The following BPTF variants were observed in gnomAD, a reference collection of about 807,000 sequenced individuals.
The protein encoded by BPTF is bromodomain PHD finger transcription factor, also known as nucleosome-remodeling factor subunit BPTF.
Under a neutral mutation model 292.5 loss-of-function variants are expected in BPTF, and 18 were observed. The ratio of observed to expected loss-of-function variants is 0.06; its 90% CI spans 0.04 to 0.09. The LOEUF is 0.09. BPTF is among the 10% of genes least tolerant of loss of function. The pLI, the probability that BPTF is intolerant of heterozygous loss-of-function variation, is 1.00. For missense variants in BPTF, 2,726 were observed against 3,498.7 expected (o/e 0.78, Z 5.57); for synonymous variants, 1,225 against 1,251.9 (o/e 0.98, Z 0.45).
At chr17:67,923,946 A>C (rs925575117) in intron 14 of BPTF, among the ~76,000 whole-genome samples, 2 of 150,478 alleles carry the variant, frequency 1.3e-5, no homozygotes, top group South Asian at 4.2e-4. Flanking sequence ...GATTCAAGCA[A>C]TTCTCCTGCC....
chr17:67,966,269 A>G (rs2068088036), intron 25 of BPTF: 1 of 269,986 alleles, frequency 3.7e-6, no homozygotes, highest in Non-Finnish European at 7.2e-6. Flanking sequence ...GACAGAAGCG[A>G]TTGCAATGCC....
intron 7 of BPTF, among the ~76,000 whole-genome samples, chr17:67,899,455 A>G (rs999401458): frequency 4.0e-5 from 6 of 151,370 alleles, no homozygotes; most frequent in Admixed American, 2.6e-4. Context: ...ACAAGTTTAT[A>G]TTTTCCTGGG....
At chr17:67,895,332 CAAAAAAA>C (rs35234780) in intron 7 of BPTF, among the ~76,000 whole-genome samples, 10 of 56,654 alleles carry the variant, frequency 1.8e-4, no homozygotes, top group Non-Finnish European at 2.5e-4. Context: ...GACTTCATCT[CAAAAAAA>C]AAAAAAAAAA....
At chr17:67,925,968 T>C (rs1402068135) in intron 15 of BPTF, among the ~76,000 whole-genome samples, 1 of 149,750 alleles carries the variant, frequency 6.7e-6, no homozygotes, top group African/African-American at 2.4e-5. Flanking sequence ...TTTTCTCATC[T>C]CTGCAATGTA....
rs1258462993 is a variant in BPTF, at chr17:67,854,812, T to G, written c.1436+50T>G. On this transcript the variant is annotated intron_variant, in intron 2 of 27. Transcript: ENST00000306378. The surrounding 1 kb of genome is among the most constrained non-coding windows in gnomAD (Gnocchi z 5.6). ...TTGTATGCATTTAAAATTAGACTAGTTTCCTTCGTGATTGATGTAGCAGAG... is the reference window on the plus strand; with the variant it reads ...TTGTATGCATTTAAAATTAGACTAGGTTCCTTCGTGATTGATGTAGCAGAG... 2 of 1,361,754 alleles carry G rather than the reference T, an allele frequency of 1.5e-6. No individual in the cohort carries two copies. Among genetic ancestry groups the G allele is most frequent in the African/African-American group, 2.9e-5 (2 of 69,260 alleles). The allele number at this position is 1,361,754 out of a possible 1,614,324, so 84.4% of individuals were successfully genotyped here.
At position 67,983,950 on chromosome 17, in the gene BPTF, T is replaced by C. The variant is rs2070658907; in HGVS notation, c.*1662T>C. The C allele has an allele frequency of 6.6e-6, 1 of 152,594 alleles. No homozygotes were observed. The highest frequency in any genetic ancestry group is 2.4e-5 in the African/African-American group (1 of 41,460). 9.5% of individuals were successfully genotyped at this position (152,594 alleles called of 1,614,324 possible). Reference sequence around the variant, plus strand: ...TTATCTAATGAAGCCCATTCCTTTTTGTACATAAAGATGTCACTTAAACTT... The same window carrying C: ...TTATCTAATGAAGCCCATTCCTTTTCGTACATAAAGATGTCACTTAAACTT... On this transcript the variant is annotated 3_prime_UTR_variant, in exon 28 of 28. Transcript: ENST00000306378.
chr17:67,963,951 A>G (rs1402336177), intron 24 of BPTF, among the ~76,000 whole-genome samples: 2 of 152,228 alleles, frequency 1.3e-5, no homozygotes, highest in African/African-American at 4.8e-5. Flanking sequence ...TTTCAGCTTT[A>G]AAATCAATTG....
chr17:67,892,330 A>T (rs1567993138), intron 5 of BPTF, among the ~76,000 whole-genome samples: 1 of 152,254 alleles, frequency 6.6e-6, no homozygotes, highest in Non-Finnish European at 1.5e-5. Flanking sequence ...AGCCTTCTTT[A>T]CACATATGAG....
At chr17:67,978,769 C>T (rs77217980) in intron 27 of BPTF, among the ~76,000 whole-genome samples, 2,715 of 152,144 alleles carry the variant, frequency 0.018, 75 homozygotes, top group African/African-American at 0.057. Flanking sequence ...ATGACTCATA[C>T]ATTAGATAAT....
Position 67,945,596 on chromosome 17 carries a change from GCCTGAAGTTCAGACCCAA to G in BPTF, c.6889_6906del (p.Pro2297_Gln2302del). ...CAGCTCAGCCTGAAGTTCAGACTCA[GCCTGAAGTTCAGACCCAA>G]ACAACTGTTTCATCCCATGTCCCTT... On this transcript the variant is annotated inframe_deletion, in exon 21 of 28. Transcript: ENST00000306378. 6.2e-7 allele frequency: 1 copy of G among 1,612,212 alleles called. No homozygotes were observed. Among genetic ancestry groups the G allele is most frequent in the Non-Finnish European group, 8.5e-7 (1 of 1,179,170 alleles).
At chr17:67,972,840 C>T (rs149472838) in intron 26 of BPTF, among the ~76,000 whole-genome samples, 1 of 151,608 alleles carries the variant, frequency 6.6e-6, no homozygotes, top group South Asian at 2.1e-4. Context: ...TAAGTATGAA[C>T]CAAGAATGTC....
chr17:67,913,207 T>G lies in BPTF; in HGVS notation c.5303+20T>G, dbSNP rs772273169. Reference sequence around the variant, plus strand: ...TTGGAGGTATGTACTTTAAAATGTATTTGGGGGAGGGAGAAAATTTTAAAA... The same window carrying G: ...TTGGAGGTATGTACTTTAAAATGTAGTTGGGGGAGGGAGAAAATTTTAAAA... On this transcript the variant is annotated intron_variant, in intron 11 of 27. Transcript: ENST00000306378. 9 of 1,543,486 alleles carry G rather than the reference T, an allele frequency of 5.8e-6. No homozygotes were observed. The South Asian group carries it at 6.3e-5, about 11-fold the overall frequency.
intron 4 of BPTF, among the ~76,000 whole-genome samples, chr17:67,881,933 C>T (rs1330655966): frequency 7.8e-6 from 1 of 128,914 alleles, no homozygotes; most frequent in East Asian, 2.7e-4. Context: ...GTGGCACAAT[C>T]TCAGCTCACT....
At chr17:67,867,406 T>G (rs1380166308) in intron 3 of BPTF, among the ~76,000 whole-genome samples, 1 of 152,216 alleles carries the variant, frequency 6.6e-6, no homozygotes, top group Admixed American at 6.5e-5. Flanking sequence ...AGTAGAGGGT[T>G]TCCATATATC....
intron 4 of BPTF, among the ~76,000 whole-genome samples, chr17:67,882,748 T>C (rs1305626008): frequency 1.3e-5 from 2 of 152,190 alleles, no homozygotes; most frequent in African/African-American, 2.4e-5. Flanking sequence ...GGCTGACGCC[T>C]GTAATCCCAG....
chr17:67,845,828 A>G (rs2057989511), intron 1 of BPTF, among the ~76,000 whole-genome samples: 1 of 150,112 alleles, frequency 6.7e-6, no homozygotes, highest in African/African-American at 2.4e-5. Context: ...ATATAAATGT[A>G]TATAATAAAA....
chr17:67,885,803 T>G (rs965779647), intron 4 of BPTF, among the ~76,000 whole-genome samples: 7 of 152,208 alleles, frequency 4.6e-5, no homozygotes, highest in African/African-American at 1.7e-4. Context: ...TTTTGAGAGA[T>G]AGTCATATCA....
chr17:67,966,878 G>A (rs2068157967), intron 26 of BPTF, among the ~76,000 whole-genome samples: 1 of 151,996 alleles, frequency 6.6e-6, no homozygotes, highest in South Asian at 2.1e-4. Flanking sequence ...GAGACAGGCG[G>A]ATCATGAGGT....
chr17:67,826,223 G>C lies in BPTF; in HGVS notation c.499G>C (p.Glu167Gln). The C allele has an allele frequency of 6.2e-7, 1 of 1,613,726 alleles. No homozygotes were observed. The highest frequency in any genetic ancestry group is 1.1e-5 in the South Asian group (1 of 91,064). The change falls in exon 1 of 28, where the codon GAA (glutamate) becomes CAA (glutamine). Residue 167 changes from glutamate to glutamine, a missense_variant. By Grantham distance (29) the Glu-to-Gln change is conservative (BLOSUM62 2). Coordinates refer to ENST00000306378, the MANE Select transcript of BPTF (RefSeq NM_182641.4). Reference sequence around the variant, plus strand: ...TGAGGACGACGAGGAGGATGAGATGGAAGAGGACGACGATGACTCCGATTA... The same window carrying C: ...TGAGGACGACGAGGAGGATGAGATGCAAGAGGACGACGATGACTCCGATTA... ...DSEDDEEDEM[E>Q]EDDDDSDYPE... is the part of the protein sequence containing the mutation.
Sources: gnomAD v4.1 joint callset for allele counts (sites outside exome capture counted in the v4.1 genomes callset) on GRCh38, gnomAD v4.1.1 for gene constraint, Gnocchi (gnomAD v3.1) non-coding constraint, MANE v1.5 for transcripts, NCBI Gene and HGNC (gene_info 2026-07-23, HGNC 2026-07-21) for gene names.